Variants in MAN2A1 observed in about 807,000 individuals in gnomAD.
MAN2A1 encodes mannosidase alpha class 2A member 1, also known as alpha-mannosidase 2.
In MAN2A1, 76 loss-of-function variants were observed where a neutral mutation model predicts 142.6. The observed-to-expected ratio is 0.53, with a 90% CI of 0.44 to 0.65. The LOEUF is 0.65. Among genes scored for constraint, MAN2A1 ranks in the 30% least tolerant of loss-of-function variants. MAN2A1 has a pLI of 0.00. For missense variants in MAN2A1, 1,311 were observed against 1,365.1 expected, an observed-to-expected ratio of 0.96 and a Z score of 0.62; for synonymous variants, 559 against 473.2, an observed-to-expected ratio of 1.18 and a Z score of -2.35.
chr5:109,737,352 T>G (rs1752133345), intron 4 of MAN2A1, among the ~76,000 whole-genome samples: 1 of 152,076 alleles, frequency 6.6e-6, no homozygotes, highest in East Asian at 1.9e-4. Flanking sequence ...CTTGAACTCT[T>G]GAACACCTGC....
intron 20 of MAN2A1, among the ~76,000 whole-genome samples, chr5:109,856,405 T>A (rs1580321085): frequency 1.3e-5 from 2 of 152,292 alleles, no homozygotes; most frequent in South Asian, 4.1e-4. Context: ...GAAAGCACCT[T>A]CAGGCTTCCA....
chr5:109,793,628 A>G (rs770374203), intron 12 of MAN2A1, among the ~76,000 whole-genome samples: 59 of 152,154 alleles, frequency 3.9e-4, no homozygotes, highest in Admixed American at 8.5e-4. Flanking sequence ...AAGATAAACC[A>G]TAATTCAATA....
chr5:109,721,686 A>G (rs556147656), intron 3 of MAN2A1, among the ~76,000 whole-genome samples: 9 of 152,250 alleles, frequency 5.9e-5, no homozygotes, highest in African/African-American at 2.2e-4. Context: ...GTTTTAGAGG[A>G]AGAATAGATG....
intron 3 of MAN2A1, among the ~76,000 whole-genome samples, chr5:109,724,703 A>T (rs1312565188): frequency 6.6e-6 from 1 of 152,178 alleles, no homozygotes; most frequent in Non-Finnish European, 1.5e-5. Flanking sequence ...GAAAAGAAAA[A>T]ATCATTATTA....
chr5:109,761,356 A>G (rs1244363717), intron 5 of MAN2A1, among the ~76,000 whole-genome samples: 2 of 151,740 alleles, frequency 1.3e-5, no homozygotes, highest in South Asian at 2.1e-4. Flanking sequence ...ATTATATAGT[A>G]TTTTTATGGT....
chr5:109,763,777 C>G (rs1752917306), intron 5 of MAN2A1, among the ~76,000 whole-genome samples: 1 of 150,636 alleles, frequency 6.6e-6, no homozygotes, highest in Non-Finnish European at 1.5e-5. Context: ...CTGCTTTTAA[C>G]TTTATTATAA....
At chr5:109,738,000 G>T (rs1011281254) in intron 4 of MAN2A1, among the ~76,000 whole-genome samples, 1 of 152,140 alleles carries the variant, frequency 6.6e-6, no homozygotes, top group Non-Finnish European at 1.5e-5. Context: ...AGGTGTGTGC[G>T]TGTGCTTTGT....
At chr5:109,834,081 G>C (rs1351761368) in intron 16 of MAN2A1, among the ~76,000 whole-genome samples, 1 of 152,144 alleles carries the variant, frequency 6.6e-6, no homozygotes, top group African/African-American at 2.4e-5. Flanking sequence ...CATGGAGGCA[G>C]GTCATTATGA....
intron 12 of MAN2A1, among the ~76,000 whole-genome samples, chr5:109,811,089 T>C (rs1450814140): frequency 6.6e-6 from 1 of 152,082 alleles, no homozygotes; most frequent in Non-Finnish European, 1.5e-5. Context: ...TACTTCATTG[T>C]ATTTTTCAGT....
chr5:109,751,056 G>T (rs1022762346), intron 4 of MAN2A1, among the ~76,000 whole-genome samples: 55 of 151,996 alleles, frequency 3.6e-4, no homozygotes, highest in African/African-American at 1.2e-3. Context: ...CTCTGCTGTC[G>T]AACATTAGAA....
intron 4 of MAN2A1, among the ~76,000 whole-genome samples, chr5:109,737,754 T>G (rs1752146462): frequency 6.6e-6 from 1 of 152,160 alleles, no homozygotes; most frequent in African/African-American, 2.4e-5. Flanking sequence ...AAGATGCTAA[T>G]CCAGTTTTAC....
chr5:109,695,199 A>G (rs1750778955), intron 1 of MAN2A1, among the ~76,000 whole-genome samples: 1 of 152,292 alleles, frequency 6.6e-6, no homozygotes, highest in East Asian at 1.9e-4. Flanking sequence ...TGGTCTGAAG[A>G]TAGTAGTTTA....
At chr5:109,739,920 T>C (rs1440468218) in intron 4 of MAN2A1, among the ~76,000 whole-genome samples, 1 of 152,156 alleles carries the variant, frequency 6.6e-6, no homozygotes, top group Non-Finnish European at 1.5e-5. Context: ...GAGAGCGAAG[T>C]GAGGGCTGAC....
chr5:109,852,352 C>T (rs768742782), intron 19 of MAN2A1, among the ~76,000 whole-genome samples: 1 of 152,028 alleles, frequency 6.6e-6, no homozygotes, highest in African/African-American at 2.4e-5. Flanking sequence ...ATTGCATTTG[C>T]TTATTAAATT....
intron 16 of MAN2A1, among the ~76,000 whole-genome samples, chr5:109,838,244 C>G (rs1234353907): frequency 6.6e-6 from 1 of 152,130 alleles, no homozygotes; most frequent in Admixed American, 6.5e-5. Flanking sequence ...ACTCCATTCT[C>G]TCTTCCAAGG....
chr5:109,693,232 A>G (rs1031717575), intron 1 of MAN2A1, among the ~76,000 whole-genome samples: 1 of 152,162 alleles, frequency 6.6e-6, no homozygotes, highest in African/African-American at 2.4e-5. Flanking sequence ...AAACATTATA[A>G]TGAAAACCAT....
chr5:109,707,805 A>G (rs1028092931), intron 1 of MAN2A1, among the ~76,000 whole-genome samples: 2 of 152,126 alleles, frequency 1.3e-5, no homozygotes, highest in Admixed American at 6.5e-5. Flanking sequence ...GTGGTGTACA[A>G]TGTTTTGATT....
chr5:109,756,620 TTC>T (rs1184750410), intron 5 of MAN2A1, among the ~76,000 whole-genome samples: 1 of 152,228 alleles, frequency 6.6e-6, no homozygotes, highest in Non-Finnish European at 1.5e-5. Flanking sequence ...ACTTAATTTT[TTC>T]TGTTTCCGTG....
At chr5:109,703,522 T>G (rs911327713) in intron 1 of MAN2A1, among the ~76,000 whole-genome samples, 5 of 152,210 alleles carry the variant, frequency 3.3e-5, no homozygotes, top group East Asian at 1.9e-4. Flanking sequence ...TGGGATACAC[T>G]GTTGACAGAT....
Sources: gnomAD v4.1 joint callset for allele counts (sites outside exome capture counted in the v4.1 genomes callset) on GRCh38, gnomAD v4.1.1 for gene constraint, MANE v1.5 for transcripts, NCBI Gene and HGNC (gene_info 2026-07-23, HGNC 2026-07-21) for gene names.